The following MAP7D2 variants were observed in gnomAD, a reference collection of about 807,000 sequenced individuals.
MAP7D2 encodes the protein MAP7 domain-containing protein 2.
In MAP7D2, 33 loss-of-function variants were observed where a neutral mutation model predicts 63.5. That is an observed-to-expected ratio of 0.52 (90% CI 0.39 to 0.70). The LOEUF is 0.70. MAP7D2 is among the 30% of genes least tolerant of loss of function. The pLI is 0.00. For missense variants in MAP7D2, 626 were observed against 604.0 expected, an observed-to-expected ratio of 1.04 and a Z score of -0.38; for synonymous variants, 224 against 223.7, an observed-to-expected ratio of 1.00 and a Z score of -0.01.
At chrX:20,035,029 C>A (rs2074177595) in intron 8 of MAP7D2, among the ~76,000 whole-genome samples, 1 of 111,161 alleles carries the variant, frequency 9.0e-6, no homozygotes, top group South Asian at 3.8e-4. Context: ...CCTTCCACCC[C>A]TCTGTCATCT....
intron 1 of MAP7D2, among the ~76,000 whole-genome samples, chrX:20,080,569 G>A (rs1195778393): frequency 2.7e-5 from 3 of 110,683 alleles, no homozygotes; most frequent in African/African-American, 9.9e-5. Flanking sequence ...GGGCTTTTGC[G>A]TGAGCTTCTG....
intron 1 of MAP7D2, among the ~76,000 whole-genome samples, chrX:20,092,949 G>A (rs1426839922): frequency 8.9e-6 from 1 of 112,160 alleles, no homozygotes; most frequent in African/African-American, 3.2e-5. Flanking sequence ...TTCTGTCCCA[G>A]TACTCACTCA....
At chrX:20,013,272 G>A in intron 13 of MAP7D2, 140 bp from the exon 14 acceptor site, 1 of 496,766 alleles carries the variant, frequency 2.0e-6, no homozygotes. Context: ...CTTCAGCTGT[G>A]TTTCCCTTAT....
chrX:20,019,530 A>G (rs1191371407), intron 10 of MAP7D2, among the ~76,000 whole-genome samples: 1 of 111,905 alleles, frequency 8.9e-6, no homozygotes, highest in East Asian at 2.8e-4. Context: ...TGGAAACTCC[A>G]GCACCTCGCC....
chrX:20,081,117 G>A (rs2065766542), intron 1 of MAP7D2, among the ~76,000 whole-genome samples: 1 of 112,078 alleles, frequency 8.9e-6, no homozygotes, highest in African/African-American at 3.2e-5. Flanking sequence ...CACAAGAAAT[G>A]TACAAATATC....
chrX:20,015,458 T>C lies in MAP7D2; in HGVS notation c.1645-131A>G, dbSNP rs1422739587. On this transcript the variant is annotated intron_variant, in intron 11 of 16. Coordinates refer to ENST00000379643, the MANE Select transcript of MAP7D2 (RefSeq NM_001168465.2). Reference sequence around the variant, plus strand: ...GTGGATGCTGCTCCAATATTCAATGTGGATTTATACAAACCACTGCATGAC... The same window carrying C: ...GTGGATGCTGCTCCAATATTCAATGCGGATTTATACAAACCACTGCATGAC... The C allele has an allele frequency of 7.6e-6, 4 of 523,319 alleles. No individual in the cohort carries two copies. In the African/African-American group the frequency reaches 9.2e-5, roughly 12 times the overall value. 43.1% of individuals were successfully genotyped at this position (523,319 alleles called of 1,213,427 possible). A position where few individuals can be genotyped will look rare whatever the true frequency, so the allele number is the denominator to read the frequency against.
At chrX:20,116,289 G>C (rs748821426) in intron 1 of MAP7D2, among the ~76,000 whole-genome samples, 3 of 113,246 alleles carry the variant, frequency 2.6e-5, no homozygotes, top group African/African-American at 9.6e-5. Context: ...AACGCCAAGA[G>C]GCGCGAAGCT....
At chrX:20,051,475 G>A (rs1293377097) in intron 5 of MAP7D2, among the ~76,000 whole-genome samples, 13 of 109,229 alleles carry the variant, frequency 1.2e-4, no homozygotes, top group African/African-American at 4.0e-4. Context: ...GCTTGAGCCC[G>A]GGAGGCAGAG....
At chrX:20,078,986 G>A (rs1356247732) in intron 1 of MAP7D2, among the ~76,000 whole-genome samples, 2 of 110,038 alleles carry the variant, frequency 1.8e-5, no homozygotes, top group East Asian at 2.9e-4. Flanking sequence ...TCATCAAACA[G>A]TAGACTTAAA....
intron 8 of MAP7D2, among the ~76,000 whole-genome samples, chrX:20,029,422 T>A (rs2073978814): frequency 8.9e-6 from 1 of 112,164 alleles, no homozygotes; most frequent in Non-Finnish European, 1.9e-5. Context: ...CAGGACAAGA[T>A]CCTAATCCTA....
chrX:20,093,829 T>G (rs2148497281), intron 1 of MAP7D2, among the ~76,000 whole-genome samples: 1 of 111,124 alleles, frequency 9.0e-6, no homozygotes, highest in South Asian at 3.8e-4. Flanking sequence ...GAATTGATTG[T>G]GGTGATGGTT....
Position 20,050,904 on chromosome X carries a change from G to A in MAP7D2, c.638C>T (p.Ser213Leu), listed in dbSNP as rs747614311. The change falls in exon 6 of 17, where the codon TCG becomes TTG. Residue 213 changes from serine (S) to leucine (L), a missense_variant. Physicochemically the swap from Ser to Leu is moderately radical, Grantham distance 145. Coordinates refer to ENST00000379643, the MANE Select transcript of MAP7D2 (RefSeq NM_001168465.2). ...AGACTGTGTGGGTGTCAACAGTCGC[G>A]AAACAAGAATGGCTTCCATTGGACT... ...HLSPMEAILV[S>L]RLLTPTQSSL... 19 of 1,173,136 alleles carry A rather than the reference G, an allele frequency of 1.6e-5. No homozygotes were observed. The East Asian group carries it at 3.8e-4, about 23-fold the overall frequency.
At position 20,010,897 on chromosome X, in the gene MAP7D2, G is replaced by C. The variant is rs1325535827; in HGVS notation, c.2228C>G (p.Ser743Cys). ...GTCGTCCAGGCTGAGATTTTCACTG[G>C]ATCTCTTGGGGAATGTCGGGGGACC... Reference protein sequence around the residue: ...FTGPPTFPKRSSENLSLDDCN... With the variant: ...FTGPPTFPKRCSENLSLDDCN... The change falls in exon 16 of 17, where the codon TCC (serine) becomes TGC (cysteine). Residue 743 changes from serine to cysteine, a missense_variant. Transcript: ENST00000379643. 5 of 1,209,327 alleles carry C rather than the reference G, an allele frequency of 4.1e-6. No individual in the cohort carries two copies. The highest frequency in any genetic ancestry group is 5.6e-6 in the Non-Finnish European group (5 of 895,031).
intron 1 of MAP7D2, among the ~76,000 whole-genome samples, chrX:20,083,486 T>C (rs1272674196): frequency 8.9e-6 from 1 of 112,235 alleles, no homozygotes. Context: ...AAATAAATGA[T>C]ATATGCATTT....
intron 3 of MAP7D2, among the ~76,000 whole-genome samples, chrX:20,062,129 T>C (rs1204237446): frequency 8.9e-6 from 1 of 112,696 alleles, no homozygotes; most frequent in African/African-American, 3.2e-5. Flanking sequence ...AAACAGAATG[T>C]AACATTCCTG....
chrX:20,043,017 C>T (rs777602160), intron 7 of MAP7D2, among the ~76,000 whole-genome samples: 1 of 111,818 alleles, frequency 8.9e-6, no homozygotes, highest in Admixed American at 9.5e-5. Flanking sequence ...TGATGGTATA[C>T]ATGGTATAAT....
At chrX:20,077,817 A>G (rs941930610) in intron 1 of MAP7D2, among the ~76,000 whole-genome samples, 4 of 112,098 alleles carry the variant, frequency 3.6e-5, no homozygotes, top group African/African-American at 1.3e-4. Context: ...AACAAAAATT[A>G]TACTAGAAAC....
In MAP7D2 at chrX:20,094,028, A is replaced by G. The variant is rs376290162; in HGVS notation, c.130+22722T>C. On this transcript the variant is annotated intron_variant, in intron 1 of 16. Transcript: ENST00000379643. ...CAAGTGAAAACCAGAGCACCCTGGT[A>G]TATGTATAAATGGCTTGTAATAACA... Among the ~76,000 whole-genome samples the G allele has an allele frequency of 2.4e-4, 27 of 112,173 alleles. No homozygotes were observed. The South Asian group carries it at 3.7e-3, about 15-fold the overall frequency.
intron 3 of MAP7D2, among the ~76,000 whole-genome samples, chrX:20,058,275 A>C (rs1381963914): frequency 1.8e-5 from 2 of 112,573 alleles, no homozygotes; most frequent in African/African-American, 6.5e-5. Flanking sequence ...CCTGAAGTAC[A>C]GCCACTCGAG....
Sources: allele counts gnomAD v4.1 joint callset (sites outside exome capture counted in the v4.1 genomes callset), GRCh38; gene constraint gnomAD v4.1.1; transcripts MANE v1.5; gene names NCBI Gene and HGNC (gene_info 2026-07-23, HGNC 2026-07-21).